The following FAR1 variants were observed in gnomAD, a reference collection of about 807,000 sequenced individuals.
The protein encoded by FAR1 is fatty acyl-CoA reductase 1, also known as male sterility domain-containing protein 2.
FAR1 carries 22 observed loss-of-function variants against 61.1 expected under a neutral mutation model. The ratio of observed to expected loss-of-function variants is 0.36; its 90% CI spans 0.26 to 0.51. The LOEUF (loss-of-function observed/expected upper bound fraction) is 0.51, where lower values mean the gene tolerates loss of function less well. Among genes scored for constraint, FAR1 ranks in the 20% least tolerant of loss-of-function variants. The pLI is 0.95. For synonymous variants in FAR1, 206 were observed against 209.7 expected (o/e 0.98, Z 0.15); for missense variants, 359 against 626.9 (o/e 0.57, Z 4.56).
At chr11:13,690,686 A>G (rs1848239924) in intron 1 of FAR1, among the ~76,000 whole-genome samples, 1 of 152,082 alleles carries the variant, frequency 6.6e-6, no homozygotes, top group Non-Finnish European at 1.5e-5. Flanking sequence ...CATCTTTGTT[A>G]TTTATGTTTG....
At chr11:13,716,130 C>T (rs1848552973) in intron 9 of FAR1, among the ~76,000 whole-genome samples, 1 of 151,986 alleles carries the variant, frequency 6.6e-6, no homozygotes, top group Non-Finnish European at 1.5e-5. Context: ...GATGTAAATT[C>T]ATGAATGGTG....
chr11:13,724,213 G>C (rs1188168744), intron 10 of FAR1, among the ~76,000 whole-genome samples: 1 of 152,020 alleles, frequency 6.6e-6, no homozygotes, highest in Non-Finnish European at 1.5e-5. Flanking sequence ...TAAAATATCT[G>C]ATTAGGTTTT....
intron 5 of FAR1, 80 bp downstream of exon 5, chr11:13,710,950 C>T: frequency 8.0e-7 from 1 of 1,243,300 alleles, no homozygotes; most frequent in Non-Finnish European, 1.1e-6. Context: ...GCTGGCAGTT[C>T]TTTAAGAACA....
intron 1 of FAR1, among the ~76,000 whole-genome samples, chr11:13,676,390 T>C (rs1848069479): frequency 6.6e-6 from 1 of 152,202 alleles, no homozygotes; most frequent in Non-Finnish European, 1.5e-5. Context: ...ATACCTTTTT[T>C]TCCCCCAGAA....
chr11:13,695,220 G>A (rs1732407989), intron 2 of FAR1, among the ~76,000 whole-genome samples: 1 of 152,070 alleles, frequency 6.6e-6, no homozygotes, highest in South Asian at 2.1e-4. Flanking sequence ...TATGTTTTTA[G>A]AACATTTGAG....
At chr11:13,673,089 A>C (rs1409343444) in intron 1 of FAR1, among the ~76,000 whole-genome samples, 1 of 152,198 alleles carries the variant, frequency 6.6e-6, no homozygotes, top group Non-Finnish European at 1.5e-5. Context: ...TTATAAATTC[A>C]CCATTGTTTT....
intron 2 of FAR1, among the ~76,000 whole-genome samples, chr11:13,695,246 C>T (rs993036869): frequency 1.8e-4 from 27 of 152,088 alleles, no homozygotes; most frequent in African/African-American, 6.0e-4. Flanking sequence ...TTGTTTGTAA[C>T]TACTAAATAA....
At chr11:13,709,719 T>C (rs1302954530) in intron 4 of FAR1, among the ~76,000 whole-genome samples, 1 of 152,104 alleles carries the variant, frequency 6.6e-6, no homozygotes, top group Non-Finnish European at 1.5e-5. Flanking sequence ...TTCAATTTAA[T>C]TGATGTTCTT....
chr11:13,701,651 G>A lies in FAR1; in HGVS notation c.365+1159G>A, dbSNP rs577650990. On this transcript the variant is annotated intron_variant, in intron 3 of 11. Transcript: ENST00000354817. ...ATAAACGTCAGTCAACATTATATAA[G>A]GTGACAGTTCAGTGCCAAAGCATTA... is the stretch of plus-strand genomic sequence containing the variant. Among the ~76,000 whole-genome samples, 21 of 152,122 alleles carry A rather than the reference G, an allele frequency of 1.4e-4. No homozygotes were observed. The South Asian group carries it at 4.2e-3, about 30-fold the overall frequency.
At position 13,696,833 on chromosome 11, in the gene FAR1, A is replaced by G. The variant is rs572331741; in HGVS notation, c.189+1879A>G. ...ACACTTAAAGTTAGTAAGAAATTTTAGGTATGGTCTACTCTGATTTTGAAA... is the reference window on the plus strand; with the variant it reads ...ACACTTAAAGTTAGTAAGAAATTTTGGGTATGGTCTACTCTGATTTTGAAA... On this transcript the variant is annotated intron_variant, in intron 2 of 11. Transcript: ENST00000354817. Among the ~76,000 whole-genome samples, 102 of 152,262 alleles carry G rather than the reference A, an allele frequency of 6.7e-4. No individual in the cohort carries two copies. The South Asian group carries it at 9.1e-3, about 14-fold the overall frequency.
At chr11:13,707,281 T>G (rs1227631171) in intron 3 of FAR1, among the ~76,000 whole-genome samples, 1 of 152,178 alleles carries the variant, frequency 6.6e-6, no homozygotes, top group Non-Finnish European at 1.5e-5. Context: ...ATAGATTATT[T>G]TGGGGTCTTG....
intron 5 of FAR1, chr11:13,711,214 A>C (rs1848495362): frequency 3.6e-6 from 1 of 281,100 alleles, no homozygotes; most frequent in Non-Finnish European, 6.6e-6. Flanking sequence ...CACAAAGTAA[A>C]AAAGGTACAG....
Position 13,690,033 on chromosome 11 carries a change from G to A in FAR1, c.-7-4726G>A, listed in dbSNP as rs573178943. Among the ~76,000 whole-genome samples the A allele has an allele frequency of 2.5e-4, 38 of 152,074 alleles. No homozygotes were observed. In the South Asian group the frequency reaches 4.8e-3, roughly 19 times the overall value. On this transcript the variant is annotated intron_variant, in intron 1 of 11. Transcript: ENST00000354817. ...TGGGATTAAAGGCGTGTGCCACCAC[G>A]CCCGACTAATTTTTGTATTTTTAGT...
chr11:13,697,250 A>G (rs1276102847), intron 2 of FAR1, among the ~76,000 whole-genome samples: 2 of 152,094 alleles, frequency 1.3e-5, no homozygotes, highest in East Asian at 3.9e-4. Flanking sequence ...ACTTGAGGCC[A>G]GGAGTTCAAG....
chr11:13,687,183 T>C (rs1476570606), intron 1 of FAR1, among the ~76,000 whole-genome samples: 3 of 152,164 alleles, frequency 2.0e-5, no homozygotes, highest in Non-Finnish European at 4.4e-5. Flanking sequence ...TCCTTGAAAA[T>C]AATGGTGATA....
chr11:13,721,913 G>T lies in FAR1; in HGVS notation c.1257+54G>T. On this transcript the variant is annotated intron_variant, in intron 10 of 11. Coordinates refer to ENST00000354817, the MANE Select transcript of FAR1 (RefSeq NM_032228.6). This position sits in a 1 kb window ranked among gnomAD's most constrained non-coding sequence, Gnocchi z 4.2. ...GAAAATAAGTAGCATACTAATTACA[G>T]AACTATTAGCAACCTGAGAAATATT... 1 of 1,425,186 alleles carries T rather than the reference G, an allele frequency of 7.0e-7. No homozygotes were observed. The allele number at this position is 1,425,186 out of a possible 1,614,324, so 88.3% of individuals were successfully genotyped here. A position where few individuals can be genotyped will look rare whatever the true frequency, so the allele number is the denominator to read the frequency against.
At chr11:13,686,286 C>T (rs1237707534) in intron 1 of FAR1, among the ~76,000 whole-genome samples, 2 of 152,120 alleles carry the variant, frequency 1.3e-5, no homozygotes, top group Admixed American at 1.3e-4. Flanking sequence ...ACTGGTGAGT[C>T]TTCTTTAAAA....
At chr11:13,711,843 A>G (rs1309278083) in intron 6 of FAR1, 35 bp downstream of exon 6, 5 of 1,569,310 alleles carry the variant, frequency 3.2e-6, no homozygotes, top group South Asian at 2.3e-5. Flanking sequence ...AATATTCTAT[A>G]CATTTTTCTG....
At chr11:13,691,131 G>A (rs1254968059) in intron 1 of FAR1, among the ~76,000 whole-genome samples, 1 of 152,190 alleles carries the variant, frequency 6.6e-6, no homozygotes, top group African/African-American at 2.4e-5. Context: ...TGTTTTGGTT[G>A]TCTGATGAGA....
Sources: allele counts gnomAD v4.1 joint callset (sites outside exome capture counted in the v4.1 genomes callset), GRCh38; gene constraint gnomAD v4.1.1; non-coding constraint Gnocchi (gnomAD v3.1); transcripts MANE v1.5; gene names NCBI Gene and HGNC (gene_info 2026-07-23, HGNC 2026-07-21).